Variants in CCR6 observed in about 807,000 individuals in gnomAD.
The protein encoded by CCR6 is C-C chemokine receptor type 6.
A neutral mutation model predicts 3.0 loss-of-function variants in CCR6; 2 were observed. The observed-to-expected ratio is 0.66, with a 90% CI of 0.27 to 2.07. The LOEUF (loss-of-function observed/expected upper bound fraction) is 2.07. Ranked by LOEUF, CCR6 falls within the 30% of genes most tolerant of loss-of-function variation. CCR6 has a pLI of 0.14. For missense variants in CCR6, 322 were observed against 462.8 expected, an observed-to-expected ratio of 0.70 and a Z score of 2.79; for synonymous variants, 193 against 184.3, an observed-to-expected ratio of 1.05 and a Z score of -0.38.
Position 167,138,457 on chromosome 6 carries a change from T to C in CCR6, c.*1102T>C, listed in dbSNP as rs1229989828. The C allele has an allele frequency of 6.6e-6, 1 of 152,346 alleles. No individual in the cohort carries two copies. Among genetic ancestry groups the C allele is most frequent in the Non-Finnish European group, 1.5e-5 (1 of 68,034 alleles). 9.4% of individuals were successfully genotyped at this position (152,346 alleles called of 1,614,324 possible). A position where few individuals can be genotyped will look rare whatever the true frequency, so the allele number is the denominator to read the frequency against. Reference sequence around the variant, plus strand: ...ATTAGCTAGGGGACAGCTGGAATTATGCTGGCTTCTGATAATTATTTTAAA... The same window carrying C: ...ATTAGCTAGGGGACAGCTGGAATTACGCTGGCTTCTGATAATTATTTTAAA... On this transcript the variant is annotated 3_prime_UTR_variant, in exon 3 of 3. Coordinates refer to ENST00000341935, the MANE Select transcript of CCR6 (RefSeq NM_031409.4).
chr6:167,116,713 T>G (rs530759298), intron 1 of CCR6: 1 of 152,172 alleles, frequency 6.6e-6, no homozygotes, highest in East Asian at 1.9e-4. Flanking sequence ...TGCCACCCCC[T>G]AGCAGAGAGG....
At position 167,136,246 on chromosome 6, in the gene CCR6, A is replaced by G. The variant is rs1368729823; in HGVS notation, c.16A>G (p.Met6Val). 1.9e-6 allele frequency: 3 copies of G among 1,606,524 alleles called. No individual in the cohort carries two copies. Among genetic ancestry groups the G allele is most frequent in the African/African-American group, 2.7e-5 (2 of 74,710 alleles). The change falls in exon 3 of 3, where the codon ATG (methionine) becomes GTG (valine). Residue 6 changes from methionine (M) to valine (V), a missense_variant. Met to Val is a conservative substitution (Grantham distance 21, BLOSUM62 1). Transcript: ENST00000341935. The surrounding 1 kb of genome is among the most constrained non-coding windows in gnomAD (Gnocchi z 4.6). ...ATCTTTGTTTCCTTTCCAGGAATCA[A>G]TGAATTTCAGCGATGTTTTCGACTC... MSGES[M>V]NFSDVFDSSE...
At chr6:167,116,260 T>C (rs1051344762) in intron 1 of CCR6, 1 of 152,280 alleles carries the variant, frequency 6.6e-6, no homozygotes, top group African/African-American at 2.4e-5. Context: ...CGCTTTCTTA[T>C]GCTGCTGTCT....
chr6:167,121,332 C>A (rs1269956945), upstream of CCR6, among the ~76,000 whole-genome samples: 1 of 152,250 alleles, frequency 6.6e-6, no homozygotes, highest in Non-Finnish European at 1.5e-5. Flanking sequence ...CCAGCAAAGT[C>A]CAATCTGTTT....
chr6:167,126,059 G>A (rs974843322), intron 1 of CCR6, among the ~76,000 whole-genome samples: 14 of 152,156 alleles, frequency 9.2e-5, no homozygotes, highest in Admixed American at 9.2e-4. Flanking sequence ...AGAGTAGGGT[G>A]GTGGCTTGTA....
rs1781860066 is a variant in CCR6, at chr6:167,137,034, T to C, written c.804T>C (p.Ile268=). The C allele has an allele frequency of 6.2e-7, 1 of 1,614,182 alleles. No individual in the cohort carries two copies. Among genetic ancestry groups the C allele is most frequent in the Non-Finnish European group, 8.5e-7 (1 of 1,180,022 alleles). The change falls in exon 3 of 3, where the codon ATT becomes ATC. Residue 268 remains isoleucine, a synonymous_variant. Coordinates refer to ENST00000341935, the MANE Select transcript of CCR6 (RefSeq NM_031409.4). The surrounding 1 kb of genome is among the most constrained non-coding windows in gnomAD (Gnocchi z 4.6). The stretch of plus-strand genomic sequence containing the variant: ...TGCTTGTGTTTCTGGCTTGTCAGAT[T>C]CCTCATAACATGGTCCTGCTTGTGA... ...AVVLVFLACQ[I]PHNMVLLVTA...
At chr6:167,124,216 A>G (rs926176120) in intron 1 of CCR6, among the ~76,000 whole-genome samples, 2 of 152,162 alleles carry the variant, frequency 1.3e-5, no homozygotes, top group Admixed American at 6.5e-5. Context: ...AATTTCTGCA[A>G]ATAAAACAGA....
chr6:167,127,387 G>A (rs553253847), intron 1 of CCR6: 3 of 152,300 alleles, frequency 2.0e-5, no homozygotes, highest in Non-Finnish European at 2.9e-5. Context: ...ATAAACTAGG[G>A]AAGGATGTAG....
In CCR6 at chr6:167,137,653, A is replaced by G. The variant is rs1583003559; in HGVS notation, c.*298A>G. 8.1e-6 allele frequency: 2 copies of G among 247,966 alleles called. No homozygotes were observed. Among genetic ancestry groups the G allele is most frequent in the East Asian group, 1.6e-4 (2 of 12,658 alleles). The allele number at this position is 247,966 out of a possible 1,614,324, so 15.4% of individuals were successfully genotyped here. ...TGCTGAATTAAAGTGAATTGTTGAC[A>G]AATGTAAACATTTTCAGAAATATTC... On this transcript the variant is annotated 3_prime_UTR_variant, in exon 3 of 3. Coordinates refer to ENST00000341935, the MANE Select transcript of CCR6 (RefSeq NM_031409.4). The surrounding 1 kb of genome is among the most constrained non-coding windows in gnomAD (Gnocchi z 4.6).
chr6:167,129,696 G>C (rs1259879857), intron 1 of CCR6: 1 of 151,682 alleles, frequency 6.6e-6, no homozygotes, highest in Non-Finnish European at 1.5e-5. Flanking sequence ...CAGTCAATGA[G>C]ATATGCCTTC....
chr6:167,138,486 G>T lies in CCR6; in HGVS notation c.*1131G>T, dbSNP rs1237393048. ...GGCTTCTGATAATTATTTTAAAGGG[G>T]TCTGAAATTTGTGATGGAATCAGAT... On this transcript the variant is annotated 3_prime_UTR_variant, in exon 3 of 3. Coordinates refer to ENST00000341935, the MANE Select transcript of CCR6 (RefSeq NM_031409.4). The T allele has an allele frequency of 3.3e-5, 5 of 152,190 alleles. No individual in the cohort carries two copies. The highest frequency in any genetic ancestry group is 1.2e-4 in the African/African-American group (5 of 41,376). The allele number at this position is 152,190 out of a possible 1,614,324, so 9.4% of individuals were successfully genotyped here.
chr6:167,112,288 G>A (rs1464757001), intron 1 of CCR6, among the ~76,000 whole-genome samples: 7 of 152,152 alleles, frequency 4.6e-5, no homozygotes, highest in Non-Finnish European at 1.0e-4. Context: ...AGGTAGGTGT[G>A]GGGCTATTTT....
chr6:167,112,671 G>A (rs1242270285), intron 1 of CCR6, among the ~76,000 whole-genome samples: 1 of 152,156 alleles, frequency 6.6e-6, no homozygotes, highest in Admixed American at 6.5e-5. Flanking sequence ...TGTGCAGGGA[G>A]GTTGGGATGA....
At chr6:167,131,005 A>T (rs532363116) in intron 1 of CCR6, among the ~76,000 whole-genome samples, 2 of 47,966 alleles carry the variant, frequency 4.2e-5, no homozygotes, top group Non-Finnish European at 8.1e-5. Context: ...TCCCTTTGGG[A>T]CCCCTCCTTC....
At chr6:167,130,590 G>T (rs1031924187) in intron 1 of CCR6, among the ~76,000 whole-genome samples, 3 of 151,710 alleles carry the variant, frequency 2.0e-5, no homozygotes, top group African/African-American at 2.4e-5. Context: ...CTTGGGGAAG[G>T]CCGAATCATT....
intron 1 of CCR6, among the ~76,000 whole-genome samples, chr6:167,113,260 T>A (rs1426081054): frequency 6.6e-6 from 1 of 152,156 alleles, no homozygotes; most frequent in Non-Finnish European, 1.5e-5. Flanking sequence ...TCAGATACAC[T>A]GGCTCTTATT....
In CCR6 at chr6:167,139,007, G is replaced by C. The variant is rs956655935; in HGVS notation, c.*1652G>C. Reference sequence around the variant, plus strand: ...TTTAAACCTGACAATGGTGTTATTTGAAACTTTATATTGTTCTTGTAAGCT... The same window carrying C: ...TTTAAACCTGACAATGGTGTTATTTCAAACTTTATATTGTTCTTGTAAGCT... On this transcript the variant is annotated 3_prime_UTR_variant, in exon 3 of 3. Transcript: ENST00000341935. 1 of 150,204 alleles carries C rather than the reference G, an allele frequency of 6.7e-6. No homozygotes were observed. Among genetic ancestry groups the C allele is most frequent in the Admixed American group, 6.7e-5 (1 of 15,028 alleles). The allele number at this position is 150,204 out of a possible 1,614,324, so 9.3% of individuals were successfully genotyped here.
chr6:167,125,789 C>A (rs1168559270), intron 1 of CCR6, among the ~76,000 whole-genome samples: 1 of 152,156 alleles, frequency 6.6e-6, no homozygotes, highest in Non-Finnish European at 1.5e-5. Context: ...TACTCTATTG[C>A]ATATTGTACC....
At chr6:167,134,739 G>A (rs954472582) in intron 1 of CCR6, among the ~76,000 whole-genome samples, 2 of 152,184 alleles carry the variant, frequency 1.3e-5, no homozygotes, top group Non-Finnish European at 1.5e-5. Flanking sequence ...CCAGGCCCAC[G>A]TGGTGCGAGA....
Sources: allele counts gnomAD v4.1 joint callset (sites outside exome capture counted in the v4.1 genomes callset), GRCh38; gene constraint gnomAD v4.1.1; non-coding constraint Gnocchi (gnomAD v3.1); transcripts MANE v1.5; gene names NCBI Gene and HGNC (gene_info 2026-07-23, HGNC 2026-07-21).